The following SKAP2 variants were observed in gnomAD, a reference collection of about 807,000 sequenced individuals.
SKAP2 encodes src kinase-associated phosphoprotein 2.
Under a neutral mutation model 54.9 loss-of-function variants are expected in SKAP2, and 28 were observed. The ratio of observed to expected loss-of-function variants is 0.51; its 90% CI spans 0.38 to 0.70. The LOEUF (loss-of-function observed/expected upper bound fraction) is 0.70, where lower values mean the gene tolerates loss of function less well. SKAP2 is among the 30% of genes least tolerant of loss of function. The probability of loss-of-function intolerance (pLI) is 0.00; values close to 1 mark genes in which losing one functional copy is unlikely to be tolerated. For synonymous variants in SKAP2, 137 were observed against 134.3 expected, an observed-to-expected ratio of 1.02 and a Z score of -0.14; for missense variants, 356 against 424.1, an observed-to-expected ratio of 0.84 and a Z score of 1.41.
intron 4 of SKAP2, chr7:26,742,513 T>C (rs1402960096): frequency 6.6e-6 from 1 of 152,154 alleles, no homozygotes; most frequent in Non-Finnish European, 1.5e-5. Context: ...AAGAAAAGTG[T>C]TGACTAAATT....
At chr7:26,722,700 C>T (rs372242464) in intron 9 of SKAP2, among the ~76,000 whole-genome samples, 105 of 152,220 alleles carry the variant, frequency 6.9e-4, no homozygotes, top group Admixed American at 2.0e-3. Flanking sequence ...TGAGCCACTG[C>T]GCCCAGCCCA....
intron 11 of SKAP2, among the ~76,000 whole-genome samples, chr7:26,672,785 T>C (rs1437430648): frequency 6.6e-6 from 1 of 151,998 alleles, no homozygotes; most frequent in Non-Finnish European, 1.5e-5. Flanking sequence ...CTATTCTCTG[T>C]ATGAGCCTCC....
chr7:26,810,624 T>C (rs1166921850), intron 4 of SKAP2, among the ~76,000 whole-genome samples: 1 of 152,232 alleles, frequency 6.6e-6, no homozygotes, highest in Non-Finnish European at 1.5e-5. Flanking sequence ...TTAGCCATTC[T>C]AAAATGTATA....
intron 4 of SKAP2, among the ~76,000 whole-genome samples, chr7:26,825,353 TAAAGA>T (rs954486242): frequency 3.9e-5 from 6 of 152,094 alleles, no homozygotes; most frequent in Non-Finnish European, 5.9e-5. Flanking sequence ...TGTTTTTTAC[TAAAGA>T]ATAGAAATTA....
At chr7:26,656,894 GT>G in the SKAP2 span, among the ~76,000 whole-genome samples, 1 of 152,002 alleles carries the variant, frequency 6.6e-6, no homozygotes, top group African/African-American at 2.4e-5. Flanking sequence ...CAGATTATGA[GT>G]CTATGAACCC....
At chr7:26,810,088 T>C (rs1308622772) in intron 4 of SKAP2, among the ~76,000 whole-genome samples, 1 of 151,936 alleles carries the variant, frequency 6.6e-6, no homozygotes, top group Non-Finnish European at 1.5e-5. Flanking sequence ...GTAATCTCAG[T>C]GTTTTGGAAG....
intron 4 of SKAP2, among the ~76,000 whole-genome samples, chr7:26,840,316 T>A (rs533755922): frequency 6.6e-6 from 1 of 152,148 alleles, no homozygotes; most frequent in Non-Finnish European, 1.5e-5. Context: ...CTTCGACCTA[T>A]CGTCGAGGGG....
chr7:26,664,866 T>C (rs1786078802), downstream of SKAP2, among the ~76,000 whole-genome samples: 1 of 152,102 alleles, frequency 6.6e-6, no homozygotes, highest in South Asian at 2.1e-4. Flanking sequence ...GTGTTTTGGC[T>C]TGCTCAACTT....
intron 9 of SKAP2, among the ~76,000 whole-genome samples, chr7:26,721,634 C>T (rs986119325): frequency 6.6e-6 from 1 of 152,092 alleles, no homozygotes; most frequent in Non-Finnish European, 1.5e-5. Flanking sequence ...AGTCCACTTG[C>T]CAGAAGACAT....
chr7:26,837,196 G>A (rs1424076235), intron 4 of SKAP2, among the ~76,000 whole-genome samples: 1 of 152,078 alleles, frequency 6.6e-6, no homozygotes, highest in African/African-American at 2.4e-5. Context: ...GGGGTTGGGG[G>A]CTAGGGGAGG....
chr7:26,750,118 T>C (rs2127966025), intron 4 of SKAP2, among the ~76,000 whole-genome samples: 1 of 152,212 alleles, frequency 6.6e-6, no homozygotes, highest in Non-Finnish European at 1.5e-5. Flanking sequence ...TGAAATGCTA[T>C]GTTCCACTGC....
the SKAP2 span, among the ~76,000 whole-genome samples, chr7:26,656,512 C>T: frequency 6.6e-6 from 1 of 152,154 alleles, no homozygotes; most frequent in African/African-American, 2.4e-5. Context: ...CAAACAAAAA[C>T]ACAGATATGT....
intron 4 of SKAP2, among the ~76,000 whole-genome samples, chr7:26,824,365 G>A (rs1784446216): frequency 6.6e-6 from 1 of 152,124 alleles, no homozygotes; most frequent in Non-Finnish European, 1.5e-5. Flanking sequence ...GAAAAAGAGG[G>A]TGCATCCTTT....
At chr7:26,862,063 T>C (rs1785281863) in intron 1 of SKAP2, among the ~76,000 whole-genome samples, 1 of 151,964 alleles carries the variant, frequency 6.6e-6, no homozygotes, top group Admixed American at 6.6e-5. Context: ...TTCAAAGAAA[T>C]AGACTAAATA....
At chr7:26,768,891 TTTTCCTTCA>T (rs1783121943) in intron 4 of SKAP2, among the ~76,000 whole-genome samples, 1 of 152,198 alleles carries the variant, frequency 6.6e-6, no homozygotes, top group Admixed American at 6.5e-5. Context: ...CCTTAACATT[TTTTCCTTCA>T]TTTCAACCTT....
chr7:26,717,484 T>C (rs1787472367), intron 9 of SKAP2, among the ~76,000 whole-genome samples: 1 of 108,972 alleles, frequency 9.2e-6, no homozygotes, highest in Admixed American at 1.3e-4. Context: ...CATTCTAGCC[T>C]GGGTGACAGA....
At chr7:26,847,389 T>C (rs933232010) in intron 3 of SKAP2, among the ~76,000 whole-genome samples, 2 of 152,088 alleles carry the variant, frequency 1.3e-5, no homozygotes, top group Non-Finnish European at 2.9e-5. Flanking sequence ...AAAGCTGCTG[T>C]CTTATAAGGA....
intron 11 of SKAP2, among the ~76,000 whole-genome samples, chr7:26,683,415 T>C (rs1347650331): frequency 6.6e-6 from 1 of 152,118 alleles, no homozygotes; most frequent in Non-Finnish European, 1.5e-5. Flanking sequence ...CTGAGAGAAA[T>C]AAGTGACCAG....
intron 4 of SKAP2, among the ~76,000 whole-genome samples, chr7:26,805,994 T>G (rs1784017050): frequency 1.3e-5 from 2 of 152,174 alleles, no homozygotes; most frequent in Non-Finnish European, 1.5e-5. Flanking sequence ...CATCTGAAAC[T>G]TTTTCATTAT....
Sources: allele counts gnomAD v4.1 joint callset (sites outside exome capture counted in the v4.1 genomes callset), GRCh38; gene constraint gnomAD v4.1.1; transcripts MANE v1.5; gene names NCBI Gene and HGNC (gene_info 2026-07-23, HGNC 2026-07-21).